Variants in ST8SIA5 observed in about 807,000 individuals in gnomAD.
ST8SIA5 encodes alpha-2,8-sialyltransferase 8E.
ST8SIA5 carries 24 observed loss-of-function variants against 40.2 expected under a neutral mutation model. The ratio of observed to expected loss-of-function variants is 0.60; its 90% CI spans 0.43 to 0.84. The LOEUF (loss-of-function observed/expected upper bound fraction) is 0.84. ST8SIA5 is among the 40% of genes least tolerant of loss of function. The probability of loss-of-function intolerance (pLI) is 0.00; values close to 1 mark genes in which losing one functional copy is unlikely to be tolerated. For missense variants in ST8SIA5, 465 were observed against 498.5 expected (o/e 0.93, Z 0.64); for synonymous variants, 198 against 201.8 (o/e 0.98, Z 0.16).
intron 1 of ST8SIA5, among the ~76,000 whole-genome samples, chr18:46,715,570 ATT>A (rs1429035837): frequency 7.0e-6 from 1 of 143,742 alleles, no homozygotes; most frequent in Non-Finnish European, 1.5e-5. Context: ...TTTTTTTTTA[ATT>A]TTTTGAGATA....
At chr18:46,726,383 A>G (rs1185898842) in intron 1 of ST8SIA5, among the ~76,000 whole-genome samples, 2 of 152,084 alleles carry the variant, frequency 1.3e-5, no homozygotes, top group East Asian at 3.9e-4. Flanking sequence ...AGATAATTAC[A>G]CTAACACACA....
intron 6 of ST8SIA5, among the ~76,000 whole-genome samples, chr18:46,681,102 G>T (rs1454151997): frequency 1.3e-5 from 2 of 152,062 alleles, no homozygotes; most frequent in Non-Finnish European, 2.9e-5. Flanking sequence ...CTTCTGAGTA[G>T]CTGAGACTAC....
intron 5 of ST8SIA5, 130 bp from the exon 6 acceptor site, chr18:46,682,194 C>A: frequency 1.5e-6 from 1 of 648,700 alleles, no homozygotes; most frequent in Non-Finnish European, 2.6e-6. Flanking sequence ...TAGGCAGGTT[C>A]TCTGTAGCCA....
chr18:46,680,567 C>T lies in ST8SIA5; in HGVS notation c.663-57G>A, dbSNP rs1204791004. 4 of 1,483,774 alleles carry T rather than the reference C, an allele frequency of 2.7e-6. No individual in the cohort carries two copies. In the African/African-American group the frequency reaches 4.2e-5, roughly 15 times the overall value. 91.9% of individuals were successfully genotyped at this position (1,483,774 alleles called of 1,614,324 possible). On this transcript the variant is annotated intron_variant, in intron 6 of 6. Transcript: ENST00000315087. Reference sequence around the variant, plus strand: ...CACTCCTCCGTGCCCTCAGGCCCCTCGCTTCCCCACCCTTGCACCCTGGGG... The same window carrying T: ...CACTCCTCCGTGCCCTCAGGCCCCTTGCTTCCCCACCCTTGCACCCTGGGG...
Position 46,680,145 on chromosome 18 carries a change from G to A in ST8SIA5, c.1028C>T (p.Pro343Leu). 6.2e-7 allele frequency: 1 copy of A among 1,614,230 alleles called. No individual in the cohort carries two copies. Among genetic ancestry groups the A allele is most frequent in the Non-Finnish European group, 8.5e-7 (1 of 1,180,046 alleles). ...ITHHYYDNVK[P>L]RPGFHAMPSE... ...GGGCATGGCGTGGAAGCCGGGACGC[G>A]GCTTGACGTTGTCATAGTAGTGGTG... Residue 343 changes from proline to leucine, a missense_variant, in exon 7 of 7, where the codon CCG becomes CTG. Coordinates refer to ENST00000315087, the MANE Select transcript of ST8SIA5 (RefSeq NM_013305.6).
chr18:46,687,995 T>C (rs2039464701), intron 4 of ST8SIA5, among the ~76,000 whole-genome samples: 1 of 152,222 alleles, frequency 6.6e-6, no homozygotes, highest in South Asian at 2.1e-4. Flanking sequence ...GCGGTGAGTC[T>C]GCACCAACCG....
intron 2 of ST8SIA5, among the ~76,000 whole-genome samples, chr18:46,701,910 G>T (rs1198026420): frequency 6.6e-6 from 1 of 152,206 alleles, no homozygotes; most frequent in Non-Finnish European, 1.5e-5. Context: ...CACTTTGGGA[G>T]GCCAAGGCGG....
rs138376032 is a variant in ST8SIA5, at chr18:46,724,214, C to T, written c.132-19550G>A. On this transcript the variant is annotated intron_variant, in intron 1 of 6. Coordinates refer to ENST00000315087, the MANE Select transcript of ST8SIA5 (RefSeq NM_013305.6). ...CCTCCCTCTTCAGAAGTCTAGCTCA[C>T]CTCCTACGTGTGTGTCAGCTTAGTC... Among the ~76,000 whole-genome samples the T allele has an allele frequency of 7.9e-4, 120 of 152,382 alleles. 1 individual carries two copies. The East Asian group carries it at 0.023, about 29-fold the overall frequency.
chr18:46,688,751 G>A (rs1306539555), intron 4 of ST8SIA5, 24 bp downstream of exon 4: 2 of 1,600,222 alleles, frequency 1.2e-6, no homozygotes, highest in African/African-American at 1.3e-5. Flanking sequence ...GCCCCACCCA[G>A]ACCGCCCCCG....
intron 1 of ST8SIA5, among the ~76,000 whole-genome samples, chr18:46,724,842 T>G (rs182895229): frequency 2.0e-5 from 3 of 152,038 alleles, no homozygotes; most frequent in Admixed American, 6.6e-5. Context: ...GGCATGGTGG[T>G]GCGTGCCTGT....
At chr18:46,691,814 T>C (rs2039508123) in intron 3 of ST8SIA5, 3 of 280,500 alleles carry the variant, frequency 1.1e-5, no homozygotes, top group South Asian at 8.3e-5. Context: ...CAGGAGGCTA[T>C]AGAGGATGCG....
chr18:46,695,418 G>A (rs905948914), intron 2 of ST8SIA5, among the ~76,000 whole-genome samples: 4 of 152,108 alleles, frequency 2.6e-5, no homozygotes, highest in African/African-American at 9.7e-5. Flanking sequence ...GAGACCTCAG[G>A]CTGGTTATTT....
At chr18:46,691,797 T>A in intron 3 of ST8SIA5, 1 of 209,976 alleles carries the variant, frequency 4.8e-6, no homozygotes, top group South Asian at 8.7e-5. Flanking sequence ...ACAGGGGAGG[T>A]GAGGACCAGG....
chr18:46,729,886 AG>A (rs2039969824), intron 1 of ST8SIA5, among the ~76,000 whole-genome samples: 1 of 152,074 alleles, frequency 6.6e-6, no homozygotes, highest in Admixed American at 6.6e-5. Context: ...TCCAGAGGTT[AG>A]GGGGTGGTGA....
At chr18:46,744,741 C>T (rs1293155051) in intron 1 of ST8SIA5, among the ~76,000 whole-genome samples, 3 of 152,156 alleles carry the variant, frequency 2.0e-5, no homozygotes, top group Non-Finnish European at 2.9e-5. Flanking sequence ...GAACTCTCCA[C>T]CCTAAATCAA....
At position 46,673,012 on chromosome 18, in the gene ST8SIA5, C is replaced by G. The variant is rs1485444293; in HGVS notation, c.*7030G>C. 4 of 152,150 alleles carry G rather than the reference C, an allele frequency of 2.6e-5. No individual in the cohort carries two copies. The highest frequency in any genetic ancestry group is 1.9e-4 in the East Asian group (1 of 5,202). 9.4% of individuals were successfully genotyped at this position (152,150 alleles called of 1,614,324 possible). A position where few individuals can be genotyped will look rare whatever the true frequency, so the allele number is the denominator to read the frequency against. Reference sequence around the variant, plus strand: ...ATATGATTCTACTTATATGAGGGACCTAGAGCAGTAAAATTCATAGAGAAA... The same window carrying G: ...ATATGATTCTACTTATATGAGGGACGTAGAGCAGTAAAATTCATAGAGAAA... On this transcript the variant is annotated 3_prime_UTR_variant, in exon 7 of 7. Transcript: ENST00000315087.
At chr18:46,749,118 A>G (rs1045339905) in intron 1 of ST8SIA5, among the ~76,000 whole-genome samples, 5 of 152,224 alleles carry the variant, frequency 3.3e-5, no homozygotes, top group Non-Finnish European at 5.9e-5. Flanking sequence ...AGGACAACAT[A>G]GCATATGATT....
chr18:46,732,060 A>C (rs909869641), intron 1 of ST8SIA5, among the ~76,000 whole-genome samples: 1 of 152,166 alleles, frequency 6.6e-6, no homozygotes, highest in Non-Finnish European at 1.5e-5. Context: ...TTTGTCCAAG[A>C]GGGGCAGGAA....
At position 46,675,335 on chromosome 18, in the gene ST8SIA5, C is replaced by T. The variant is rs1405595036; in HGVS notation, c.*4707G>A. ...GCTGTTGTGGTTGGTATCCTGTCCT[C>T]ATTTCAGATGATGAGTCCAGAGCCT... On this transcript the variant is annotated 3_prime_UTR_variant, in exon 7 of 7. Coordinates refer to ENST00000315087, the MANE Select transcript of ST8SIA5 (RefSeq NM_013305.6). The T allele has an allele frequency of 6.6e-6, 1 of 152,224 alleles. No homozygotes were observed. The allele number at this position is 152,224 out of a possible 1,614,324, so 9.4% of individuals were successfully genotyped here. A position where few individuals can be genotyped will look rare whatever the true frequency, so the allele number is the denominator to read the frequency against.
Sources: gnomAD v4.1 joint callset for allele counts (sites outside exome capture counted in the v4.1 genomes callset) on GRCh38, gnomAD v4.1.1 for gene constraint, MANE v1.5 for transcripts, NCBI Gene and HGNC (gene_info 2026-07-23, HGNC 2026-07-21) for gene names.